Variants in NRCAM observed in about 807,000 individuals in gnomAD.
NRCAM encodes NgCAM-related cell adhesion molecule.
In NRCAM, 83 loss-of-function variants were observed where a neutral mutation model predicts 156.5. The observed-to-expected ratio is 0.53, with a 90% CI of 0.44 to 0.64. NRCAM has a LOEUF of 0.64. Among genes scored for constraint, NRCAM ranks in the 30% least tolerant of loss-of-function variants. The pLI is 0.00. For synonymous variants in NRCAM, 538 were observed against 563.9 expected, an observed-to-expected ratio of 0.95 and a Z score of 0.65; for missense variants, 1,417 against 1,597.3, an observed-to-expected ratio of 0.89 and a Z score of 1.92.
intron 2 of NRCAM, among the ~76,000 whole-genome samples, chr7:108,347,022 T>C (rs552841047): frequency 5.4e-5 from 8 of 148,788 alleles, no homozygotes; most frequent in South Asian, 2.1e-4. Flanking sequence ...GTGACTCATA[T>C]TATATTTCTG....
At chr7:108,224,133 G>A (rs1354129727) in intron 10 of NRCAM, among the ~76,000 whole-genome samples, 1 of 152,098 alleles carries the variant, frequency 6.6e-6, no homozygotes, top group African/African-American at 2.4e-5. Flanking sequence ...CTGTGGGTTA[G>A]AAAATTTTCA....
rs141626472 is a variant in NRCAM at position 108,432,346 on chromosome 7, A to G, written c.-332+23897T>C. Among the ~76,000 whole-genome samples the G allele has an allele frequency of 1.6e-4, 24 of 152,336 alleles. No individual in the cohort carries two copies. In the East Asian group the frequency reaches 3.3e-3, roughly 21 times the overall value. On this transcript the variant is annotated intron_variant, in intron 1 of 32. Transcript: ENST00000379028. ...AGAATCCTGTAAATTATGCCAAATCATATGTTCTTCTTGTTCGAAGAATTG... is the reference window on the plus strand; with the variant it reads ...AGAATCCTGTAAATTATGCCAAATCGTATGTTCTTCTTGTTCGAAGAATTG...
intron 2 of NRCAM, among the ~76,000 whole-genome samples, chr7:108,380,783 T>C (rs907694921): frequency 1.3e-5 from 2 of 152,296 alleles, no homozygotes; most frequent in Non-Finnish European, 2.9e-5. Context: ...GTGATCTTCC[T>C]GCCCAAAGTT....
intron 3 of NRCAM, among the ~76,000 whole-genome samples, chr7:108,247,170 T>G (rs1315809334): frequency 6.6e-6 from 1 of 152,150 alleles, no homozygotes; most frequent in African/African-American, 2.4e-5. Context: ...CTGCCAACCC[T>G]CAGGATTATA....
chr7:108,355,072 A>G (rs1210765786), intron 2 of NRCAM, among the ~76,000 whole-genome samples: 2 of 152,254 alleles, frequency 1.3e-5, no homozygotes, highest in East Asian at 3.8e-4. Flanking sequence ...CTCCTTGATA[A>G]GAATTGAAGC....
chr7:108,452,990 T>C (rs1245761630), intron 1 of NRCAM, among the ~76,000 whole-genome samples: 1 of 151,964 alleles, frequency 6.6e-6, no homozygotes, highest in African/African-American at 2.4e-5. Flanking sequence ...TGTGTTCAGT[T>C]TGTGCAAGTT....
At chr7:108,170,242 C>T (rs1434081117) in intron 28 of NRCAM, among the ~76,000 whole-genome samples, 3 of 151,996 alleles carry the variant, frequency 2.0e-5, no homozygotes, top group African/African-American at 4.8e-5. Context: ...CTGCCATTTG[C>T]AACAACATGG....
At chr7:108,242,966 T>A (rs138807687) in intron 3 of NRCAM, 3 of 152,274 alleles carry the variant, frequency 2.0e-5, no homozygotes, top group African/African-American at 7.2e-5. Context: ...AGAGTATACA[T>A]GGAGTAAACT....
chr7:108,276,230 C>T (rs545230538), intron 3 of NRCAM, among the ~76,000 whole-genome samples: 1 of 152,278 alleles, frequency 6.6e-6, no homozygotes, highest in African/African-American at 2.4e-5. Context: ...GTGGAGAGTT[C>T]TGTAGATGTC....
intron 1 of NRCAM, among the ~76,000 whole-genome samples, chr7:108,432,660 C>T (rs1342063419): frequency 9.2e-5 from 14 of 152,116 alleles, no homozygotes; most frequent in African/African-American, 2.9e-4. Flanking sequence ...CCCAGCACTT[C>T]GGGAGGCCGA....
intron 31 of NRCAM, 80 bp from the exon 32 acceptor site, chr7:108,159,621 T>C (rs1037491323): frequency 1.4e-5 from 14 of 1,033,618 alleles, no homozygotes; most frequent in Non-Finnish European, 1.8e-5. Context: ...TTCTTTGAGA[T>C]ATACAGCAGT....
intron 3 of NRCAM, among the ~76,000 whole-genome samples, chr7:108,266,082 T>C (rs1208457730): frequency 6.6e-6 from 1 of 152,228 alleles, no homozygotes; most frequent in Non-Finnish European, 1.5e-5. Context: ...ATTAATGTAT[T>C]GTATGTGTTT....
chr7:108,274,752 C>G (rs1197827108), intron 3 of NRCAM, among the ~76,000 whole-genome samples: 1 of 152,160 alleles, frequency 6.6e-6, no homozygotes, highest in African/African-American at 2.4e-5. Flanking sequence ...GCTTGATTGT[C>G]CTGGCCAGAA....
chr7:108,440,418 T>C (rs1019987046), intron 1 of NRCAM, among the ~76,000 whole-genome samples: 1 of 152,204 alleles, frequency 6.6e-6, no homozygotes, highest in Non-Finnish European at 1.5e-5. Context: ...CTTAAGGAAC[T>C]GATCCAACAG....
chr7:108,199,502 G>A (rs183269187), intron 13 of NRCAM, among the ~76,000 whole-genome samples: 2 of 152,306 alleles, frequency 1.3e-5, no homozygotes, highest in South Asian at 2.1e-4. Context: ...GCAGAGCTGC[G>A]TCGCTTTCTG....
At position 108,165,561 on chromosome 7, in the gene NRCAM, A is replaced by G. The variant is rs10274645; in HGVS notation, c.3466+1360T>C. Among the ~76,000 whole-genome samples, 941 of 152,338 alleles carry G rather than the reference A, an allele frequency of 6.2e-3. 7 individuals carry two copies. Among genetic ancestry groups the G allele is most frequent in the African/African-American group, 0.021 (881 of 41,582 alleles). ...CAAACAAAAACCTTGTAAACTAGCT[A>G]TGAATTGATTAGATATTCCCCTTTT... is the stretch of plus-strand genomic sequence containing the variant. On this transcript the variant is annotated intron_variant, in intron 30 of 32. Transcript: ENST00000379028.
At chr7:108,272,933 T>C (rs546490364) in intron 3 of NRCAM, among the ~76,000 whole-genome samples, 34 of 152,252 alleles carry the variant, frequency 2.2e-4, no homozygotes, top group African/African-American at 8.2e-4. Context: ...GTGTGTGATA[T>C]TCCCCTCCCT....
At chr7:108,454,862 C>T (rs1468469146) in intron 1 of NRCAM, among the ~76,000 whole-genome samples, 2 of 152,214 alleles carry the variant, frequency 1.3e-5, no homozygotes, top group African/African-American at 2.4e-5. Flanking sequence ...ATCTGGGACT[C>T]GGAAAGGAAA....
intron 13 of NRCAM, 72 bp downstream of exon 13, chr7:108,207,456 C>A: frequency 6.8e-7 from 1 of 1,459,886 alleles, no homozygotes; most frequent in South Asian, 1.4e-5. Context: ...TTTTTATCAC[C>A]ATTTATTCAC....
Sources: allele counts gnomAD v4.1 joint callset (sites outside exome capture counted in the v4.1 genomes callset), GRCh38; gene constraint gnomAD v4.1.1; transcripts MANE v1.5; gene names NCBI Gene and HGNC (gene_info 2026-07-23, HGNC 2026-07-21).